The following NRIP2 variants were observed in gnomAD, a reference collection of about 807,000 sequenced individuals.
The protein encoded by NRIP2 is nuclear receptor-interacting protein 2.
In NRIP2, 27 loss-of-function variants were observed where a neutral mutation model predicts 34.1. The observed-to-expected ratio is 0.79, with a 90% CI of 0.58 to 1.09. The LOEUF (loss-of-function observed/expected upper bound fraction) is 1.09. Ranked by LOEUF, NRIP2 falls within the 50% of genes least tolerant of loss-of-function variation. The pLI is 0.00. For synonymous variants in NRIP2, 145 were observed against 146.9 expected, an observed-to-expected ratio of 0.99 and a Z score of 0.09; for missense variants, 385 against 352.6, an observed-to-expected ratio of 1.09 and a Z score of -0.74.
rs200104814 is a variant in NRIP2, at chr12:2,828,030, A to G, written c.596T>C (p.Leu199Pro). 5 of 1,613,846 alleles carry G rather than the reference A, an allele frequency of 3.1e-6. No homozygotes were observed. Reference sequence around the variant, plus strand: ...GGCCAGGTCCCCAGCTGAGGCTTTTAGGACCCTTTTCTCTAACCTGTGGTT... The same window carrying G: ...GGCCAGGTCCCCAGCTGAGGCTTTTGGGACCCTTTTCTCTAACCTGTGGTT... Reference protein sequence around the residue: ...LSRLGLEKRVLKASAGDLAPG... With the variant: ...LSRLGLEKRVPKASAGDLAPG... The change falls in exon 4 of 6, where the codon CTA (leucine) becomes CCA (proline). Residue 199 changes from leucine to proline, a missense_variant. Leu to Pro is a moderately conservative substitution (Grantham distance 98). Transcript: ENST00000337508.
At chr12:2,833,438 G>T (rs963505770) in intron 1 of NRIP2, among the ~76,000 whole-genome samples, 3 of 152,140 alleles carry the variant, frequency 2.0e-5, no homozygotes, top group Non-Finnish European at 4.4e-5. Flanking sequence ...TCTGGGCTGT[G>T]GTCCTGGTGG....
Position 2,834,926 on chromosome 12 carries a change from A to G in NRIP2, c.58T>C (p.Cys20Arg). ...CCTGCCTGTCTCTGTCCCGTGCTGC[A>G]GCTCTCTTTCCAACAGGAGGGTCTC... ...PWRPSCWKESCSTGQRQAGRS... is the reference protein window; with the variant it reads ...PWRPSCWKESRSTGQRQAGRS... The change falls in exon 1 of 6, where the codon TGC (cysteine) becomes CGC (arginine). Residue 20 changes from cysteine to arginine, a missense_variant. Physicochemically the swap from Cys to Arg is radical, Grantham distance 180. Coordinates refer to ENST00000337508, the MANE Select transcript of NRIP2 (RefSeq NM_031474.3). 6.2e-7 allele frequency: 1 copy of G among 1,612,160 alleles called. No homozygotes were observed. The highest frequency in any genetic ancestry group is 8.5e-7 in the Non-Finnish European group (1 of 1,179,146).
intron 3 of NRIP2, 43 bp downstream of exon 3, chr12:2,828,289 A>G (rs1421651882): frequency 1.3e-6 from 2 of 1,549,932 alleles, no homozygotes; most frequent in Non-Finnish European, 1.8e-6. Context: ...CACCCCAAAA[A>G]GAAACCCTGT....
At position 2,827,974 on chromosome 12, in the gene NRIP2, C is replaced by G. The variant is rs1482170300; in HGVS notation, c.652G>C (p.Glu218Gln). ...PGPPTQVEQL[E>Q]LQLGQETVVC... ...ACAGTCTCCTGCCCCAGCTGTAGCT[C>G]CAACTGCTCCACCTGGGTTGGGGGC... Residue 218 changes from glutamate to glutamine, a missense_variant, in exon 4 of 6, where the codon GAG becomes CAG. Transcript: ENST00000337508. The surrounding 1 kb of genome is among the most constrained non-coding windows in gnomAD (Gnocchi z 4.0). 5.0e-6 allele frequency: 8 copies of G among 1,614,130 alleles called. No individual in the cohort carries two copies. Among genetic ancestry groups the G allele is most frequent in the Non-Finnish European group, 6.8e-6 (8 of 1,180,048 alleles).
rs866628139 is a variant in NRIP2, at chr12:2,827,208, C to A, written c.845G>T (p.Ter282LeuextTer42). 1 of 1,614,142 alleles carries A rather than the reference C, an allele frequency of 6.2e-7. No individual in the cohort carries two copies. Among genetic ancestry groups the A allele is most frequent in the Admixed American group, 1.7e-5 (1 of 60,026 alleles). Residue 282 changes from the stop codon to leucine, a stop_lost, in exon 6 of 6, where the codon TGA (stop) becomes TTA (leucine). Coordinates refer to ENST00000337508, the MANE Select transcript of NRIP2 (RefSeq NM_031474.3). This position sits in a 1 kb window ranked among gnomAD's most constrained non-coding sequence, Gnocchi z 4.0. ...FLPLYQEPGQ[*>L] The stretch of plus-strand genomic sequence containing the variant: ...TCTGGGGACTGACTGAGACAGCAGT[C>A]ACTGGCCAGGCTCTTGGTACAAAGG...
At chr12:2,830,961 C>T in intron 1 of NRIP2, 101 bp from the exon 2 acceptor site, 2 of 1,304,058 alleles carry the variant, frequency 1.5e-6, no homozygotes, top group South Asian at 2.8e-5. Context: ...CCCCCCACCC[C>T]CCCAGCCCTG....
At position 2,827,397 on chromosome 12, in the gene NRIP2, C is replaced by T. The variant is rs1352853417; in HGVS notation, c.754-98G>A. 1 of 1,526,892 alleles carries T rather than the reference C, an allele frequency of 6.5e-7. No individual in the cohort carries two copies. Among genetic ancestry groups the T allele is most frequent in the African/African-American group, 1.4e-5 (1 of 71,952 alleles). The allele number at this position is 1,526,892 out of a possible 1,614,324, so 94.6% of individuals were successfully genotyped here. A position where few individuals can be genotyped will look rare whatever the true frequency, so the allele number is the denominator to read the frequency against. On this transcript the variant is annotated intron_variant, in intron 5 of 5. Transcript: ENST00000337508. This position sits in a 1 kb window ranked among gnomAD's most constrained non-coding sequence, Gnocchi z 4.0. ...CCCCTCCCACTTCCCACAGCTTCCA[C>T]CTGCCTTTTGCTCTTCCCCCATCCC...
intron 1 of NRIP2, among the ~76,000 whole-genome samples, 157 bp downstream of exon 1, chr12:2,834,485 G>C (rs2098018406): frequency 6.6e-6 from 1 of 152,204 alleles, no homozygotes; most frequent in African/African-American, 2.4e-5. Context: ...CCCCGGTGAA[G>C]AGCCTTGAGT....
chr12:2,830,526 G>T (rs1421629124), intron 2 of NRIP2, 182 bp downstream of exon 2: 2 of 572,190 alleles, frequency 3.5e-6, no homozygotes, highest in East Asian at 6.3e-5. Context: ...GAGTTGCACC[G>T]AGGAGACATG....
chr12:2,830,651 G>A (rs1210183397), intron 2 of NRIP2, 57 bp downstream of exon 2: 1 of 1,540,622 alleles, frequency 6.5e-7, no homozygotes, highest in East Asian at 2.3e-5. Context: ...AGGAGAGCAG[G>A]TGAAGTGAGT....
chr12:2,829,788 G>A lies in NRIP2; in HGVS notation c.495+920C>T, dbSNP rs147383396. Among the ~76,000 whole-genome samples the A allele has an allele frequency of 4.2e-4, 62 of 149,284 alleles. No individual in the cohort carries two copies. In the East Asian group the frequency reaches 0.012, roughly 28 times the overall value. On this transcript the variant is annotated intron_variant, in intron 2 of 5. Transcript: ENST00000337508. ...TCTCTAAAAAATAAACAAAAGGACC[G>A]GAAAAGTCGAGGGGTGCGGTGGCTC...
Position 2,826,712 on chromosome 12 carries a change from G to A in NRIP2, c.*495C>T, listed in dbSNP as rs552702548. The A allele has an allele frequency of 3.9e-5, 7 of 180,118 alleles. No individual in the cohort carries two copies. The highest frequency in any genetic ancestry group is 3.8e-4 in the East Asian group (2 of 5,326). The allele number at this position is 180,118 out of a possible 1,614,324, so 11.2% of individuals were successfully genotyped here. A position where few individuals can be genotyped will look rare whatever the true frequency, so the allele number is the denominator to read the frequency against. Reference sequence around the variant, plus strand: ...CTGTGAGCAGATGTGCACAGACTCCGAGAGGCAGACACCAGGAGGTCCAGG... The same window carrying A: ...CTGTGAGCAGATGTGCACAGACTCCAAGAGGCAGACACCAGGAGGTCCAGG... On this transcript the variant is annotated 3_prime_UTR_variant, in exon 6 of 6. Coordinates refer to ENST00000337508, the MANE Select transcript of NRIP2 (RefSeq NM_031474.3).
rs572993813 is a variant in NRIP2 at position 2,830,963 on chromosome 12, C to G, written c.343-103G>C. The G allele has an allele frequency of 2.1e-5, 27 of 1,283,290 alleles. No individual in the cohort carries two copies. In the East Asian group the frequency reaches 3.4e-4, roughly 16 times the overall value. The allele number at this position is 1,283,290 out of a possible 1,614,324, so 79.5% of individuals were successfully genotyped here. On this transcript the variant is annotated intron_variant, in intron 1 of 5. Transcript: ENST00000337508. ...ACCCCAGGATGCTCCCCCCACCCCC[C>G]CAGCCCTGAGCCTTACCCTAGGAGT...
At chr12:2,828,148 C>T (rs982766598) in intron 3 of NRIP2, 101 bp from the exon 4 acceptor site, 1 of 1,256,232 alleles carries the variant, frequency 8.0e-7, no homozygotes, top group Non-Finnish European at 1.1e-6. Context: ...ATCTCCAACC[C>T]CTGACCTCAC....
chr12:2,829,078 G>T (rs1377649174), intron 2 of NRIP2, among the ~76,000 whole-genome samples: 1 of 152,138 alleles, frequency 6.6e-6, no homozygotes, highest in Non-Finnish European at 1.5e-5. Flanking sequence ...ATATGTGATG[G>T]GTTCATAAGT....
rs2097981444 is a variant in NRIP2, at chr12:2,828,415, C to G, written c.496-1G>C. Reference sequence around the variant, plus strand: ...CCACTCTAAGCAGCTGGTCCTGGCACTAAGAAAGAAGAATCGTGGTGAATC... The same window carrying G: ...CCACTCTAAGCAGCTGGTCCTGGCAGTAAGAAAGAAGAATCGTGGTGAATC... On this transcript the variant is annotated splice_acceptor_variant, in intron 2 of 5. Transcript: ENST00000337508. LOFTEE classifies it high-confidence loss of function. 6.2e-7 allele frequency: 1 copy of G among 1,613,426 alleles called. No individual in the cohort carries two copies. The highest frequency in any genetic ancestry group is 8.5e-7 in the Non-Finnish European group (1 of 1,179,644).
chr12:2,828,534 G>T, intron 2 of NRIP2, 120 bp from the exon 3 acceptor site: 2 of 825,822 alleles, frequency 2.4e-6, no homozygotes, highest in Non-Finnish European at 4.0e-6. Context: ...AAAATGAACT[G>T]TCTTTAAAAC....
At chr12:2,828,205 C>T in intron 3 of NRIP2, 127 bp downstream of exon 3, 1 of 1,161,920 alleles carries the variant, frequency 8.6e-7, no homozygotes, top group Non-Finnish European at 1.3e-6. Context: ...TCTAGCCACT[C>T]TTTTGTTAAA....
chr12:2,828,060 A>G lies in NRIP2; in HGVS notation c.579-13T>C. The G allele has an allele frequency of 6.2e-7, 1 of 1,608,390 alleles. No individual in the cohort carries two copies. The highest frequency in any genetic ancestry group is 2.2e-5 in the East Asian group (1 of 44,842). ...CCTTTTCTCTAACCTGTGGTTGGGA[A>G]GCAAGGGTTATGGCTACCACAGCCC... is the stretch of plus-strand genomic sequence containing the variant. On this transcript the variant is annotated splice_polypyrimidine_tract_variant and intron_variant, in intron 3 of 5. Coordinates refer to ENST00000337508, the MANE Select transcript of NRIP2 (RefSeq NM_031474.3).
Sources: gnomAD v4.1 joint callset for allele counts (sites outside exome capture counted in the v4.1 genomes callset) on GRCh38, gnomAD v4.1.1 for gene constraint, Gnocchi (gnomAD v3.1) non-coding constraint, MANE v1.5 for transcripts, NCBI Gene and HGNC (gene_info 2026-07-23, HGNC 2026-07-21) for gene names.